PDGFC: variants seen among roughly 807,000 people sequenced by gnomAD.
PDGFC encodes the protein platelet derived growth factor C, also known as platelet-derived growth factor C.
In PDGFC, 12 loss-of-function variants were observed where a neutral mutation model predicts 35.5. That is an observed-to-expected ratio of 0.34 (90% CI 0.22 to 0.55). PDGFC has a LOEUF of 0.55. Ranked by LOEUF, PDGFC falls within the 20% of genes least tolerant of loss-of-function variation. The pLI is 0.91. For missense variants in PDGFC, 322 were observed against 412.4 expected (o/e 0.78, Z 1.90); for synonymous variants, 159 against 148.8 (o/e 1.07, Z -0.50).
At position 156,836,991 on chromosome 4, in the gene PDGFC, C is replaced by T. The variant is rs535022815; in HGVS notation, c.314+13230G>A. Among the ~76,000 whole-genome samples the T allele has an allele frequency of 2.4e-4, 37 of 152,196 alleles. No homozygotes were observed. In the East Asian group the frequency reaches 2.7e-3, roughly 11 times the overall value. ...TAGGAGTGAGGCTGTTCCATAAAGA[C>T]AGCTGGAACCTGAACAGAATCTAGT... On this transcript the variant is annotated intron_variant, in intron 2 of 5. Transcript: ENST00000502773.
At chr4:156,960,198 G>T (rs1349811213) in intron 1 of PDGFC, among the ~76,000 whole-genome samples, 1 of 149,332 alleles carries the variant, frequency 6.7e-6, no homozygotes, top group East Asian at 2.0e-4. Context: ...TTTGACCATA[G>T]TGACTAACAC....
intron 1 of PDGFC, among the ~76,000 whole-genome samples, chr4:156,916,120 T>A (rs928130875): frequency 4.6e-5 from 7 of 152,176 alleles, no homozygotes; most frequent in Non-Finnish European, 8.8e-5. Flanking sequence ...ATCCTAATTA[T>A]AAACCTCCTT....
intron 1 of PDGFC, among the ~76,000 whole-genome samples, chr4:156,923,109 A>C (rs1021546161): frequency 6.6e-6 from 1 of 152,040 alleles, no homozygotes; most frequent in African/African-American, 2.4e-5. Flanking sequence ...ATATACTCCA[A>C]ACTGCTTTTC....
chr4:156,816,670 T>G lies in PDGFC; in HGVS notation c.315-5653A>C, dbSNP rs139072374. On this transcript the variant is annotated intron_variant, in intron 2 of 5. Transcript: ENST00000502773. ...GAACAAGGTCACACCAGCAACTAAC[T>G]GCAAAGCGAAGGCTTCATTCTCACG... Among the ~76,000 whole-genome samples the G allele has an allele frequency of 1.0e-3, 156 of 152,270 alleles. 1 individual carries two copies. Among genetic ancestry groups the G allele is most frequent in the African/African-American group, 3.6e-3 (149 of 41,560 alleles).
At chr4:156,805,437 T>C (rs1420781877) in intron 3 of PDGFC, among the ~76,000 whole-genome samples, 1 of 152,052 alleles carries the variant, frequency 6.6e-6, no homozygotes, top group African/African-American at 2.4e-5. Flanking sequence ...AAATGTCGAC[T>C]TATTAGAATT....
chr4:156,789,932 A>G (rs913844405), intron 3 of PDGFC, among the ~76,000 whole-genome samples: 13 of 142,444 alleles, frequency 9.1e-5, no homozygotes, highest in African/African-American at 3.5e-4. Context: ...AGCCGAGATC[A>G]TGCCACGGTA....
intron 2 of PDGFC, among the ~76,000 whole-genome samples, chr4:156,824,325 T>TACACACACATATACAC (rs60087416): frequency 1.8e-5 from 2 of 109,636 alleles, no homozygotes; most frequent in African/African-American, 9.6e-5. Flanking sequence ...TATATATATA[T>TACACACACATATACAC]ATACACACAC....
chr4:156,818,433 C>T (rs912176213), intron 2 of PDGFC, among the ~76,000 whole-genome samples: 1 of 151,688 alleles, frequency 6.6e-6, no homozygotes. Flanking sequence ...CTCATCACTT[C>T]CTTCAACTAC....
rs774205332 is a variant in PDGFC at position 156,970,842 on chromosome 4, T to G, written c.62A>C (p.Gln21Pro). ...TTTACTACTCAGGTTGGATTCCGCC[T>G]GAGTCCCCTGTCTCTGGCCGGCCAG... ...SALAGQRQGT[Q>P]AESNLSSKFQ... is the part of the protein sequence containing the mutation. Residue 21 changes from glutamine to proline, a missense_variant, in exon 1 of 6, where the codon CAG becomes CCG. Coordinates refer to ENST00000502773, the MANE Select transcript of PDGFC (RefSeq NM_016205.3). 6.2e-7 allele frequency: 1 copy of G among 1,614,080 alleles called. No individual in the cohort carries two copies. The highest frequency in any genetic ancestry group is 2.2e-5 in the East Asian group (1 of 44,864).
chr4:156,843,435 G>T (rs956936265), intron 2 of PDGFC, among the ~76,000 whole-genome samples: 9 of 152,154 alleles, frequency 5.9e-5, no homozygotes, highest in Admixed American at 5.9e-4. Context: ...CAGCACAGAT[G>T]GGCTCCTAAA....
intron 1 of PDGFC, among the ~76,000 whole-genome samples, chr4:156,876,017 TTCTACCTA>T (rs1407432930): frequency 2.0e-5 from 3 of 152,036 alleles, no homozygotes; most frequent in African/African-American, 7.2e-5. Flanking sequence ...AGAAAGGAGA[TTCTACCTA>T]AGAATGACAG....
intron 1 of PDGFC, among the ~76,000 whole-genome samples, chr4:156,852,317 C>A (rs942463120): frequency 6.6e-6 from 1 of 152,174 alleles, no homozygotes; most frequent in Non-Finnish European, 1.5e-5. Flanking sequence ...TATGTGCCAT[C>A]AAGCTGTGTA....
At chr4:156,925,297 G>A (rs1361442602) in intron 1 of PDGFC, among the ~76,000 whole-genome samples, 2 of 152,136 alleles carry the variant, frequency 1.3e-5, no homozygotes, top group African/African-American at 4.8e-5. Flanking sequence ...TTTTTTTAAA[G>A]ACTCTCTGGT....
intron 1 of PDGFC, among the ~76,000 whole-genome samples, chr4:156,964,855 G>A (rs968112571): frequency 3.9e-5 from 6 of 152,146 alleles, no homozygotes; most frequent in Non-Finnish European, 8.8e-5. Context: ...ACATGTTGCT[G>A]AGTTCTAGCC....
intron 1 of PDGFC, among the ~76,000 whole-genome samples, chr4:156,939,140 A>T (rs1324583618): frequency 6.6e-6 from 1 of 152,070 alleles, no homozygotes; most frequent in African/African-American, 2.4e-5. Flanking sequence ...TTATTAATTA[A>T]CTAAAGAACT....
intron 1 of PDGFC, among the ~76,000 whole-genome samples, chr4:156,911,394 C>T (rs1227110943): frequency 6.6e-6 from 1 of 152,010 alleles, no homozygotes; most frequent in African/African-American, 2.4e-5. Flanking sequence ...CTTGACTACA[C>T]TGAACTATTT....
At chr4:156,879,507 G>A (rs1730192441) in intron 1 of PDGFC, among the ~76,000 whole-genome samples, 1 of 152,026 alleles carries the variant, frequency 6.6e-6, no homozygotes, top group Admixed American at 6.6e-5. Flanking sequence ...AAACTCTCCA[G>A]GGATACAAAA....
intron 3 of PDGFC, among the ~76,000 whole-genome samples, chr4:156,804,232 A>G (rs1731694354): frequency 6.6e-6 from 1 of 152,034 alleles, no homozygotes; most frequent in Non-Finnish European, 1.5e-5. Flanking sequence ...ATAAATAAAT[A>G]ACTGCTAATG....
chr4:156,861,326 TA>T, intron 1 of PDGFC: 1 of 371,992 alleles, frequency 2.7e-6, no homozygotes, highest in Non-Finnish European at 5.1e-6. Flanking sequence ...TCTCTTGCTC[TA>T]ATATGGTTCA....
Sources: allele counts gnomAD v4.1 joint callset (sites outside exome capture counted in the v4.1 genomes callset), GRCh38; gene constraint gnomAD v4.1.1; transcripts MANE v1.5; gene names NCBI Gene and HGNC (gene_info 2026-07-23, HGNC 2026-07-21).